CIT: variants seen among roughly 807,000 people sequenced by gnomAD.
CIT encodes the protein citron Rho-interacting kinase.
A neutral mutation model predicts 272.7 loss-of-function variants in CIT; 79 were observed. That is an observed-to-expected ratio of 0.29 (90% CI 0.24 to 0.35). The LOEUF (loss-of-function observed/expected upper bound fraction) is 0.35. Among genes scored for constraint, CIT ranks in the 10% least tolerant of loss-of-function variants. The pLI is 1.00. For missense variants in CIT, 1,909 were observed against 2,618.3 expected, an observed-to-expected ratio of 0.73 and a Z score of 5.91; for synonymous variants, 948 against 995.6, an observed-to-expected ratio of 0.95 and a Z score of 0.90.
chr12:119,736,777 A>G (rs1009432224), intron 24 of CIT, among the ~76,000 whole-genome samples: 2 of 152,230 alleles, frequency 1.3e-5, no homozygotes, highest in African/African-American at 2.4e-5. Flanking sequence ...CAATGAATAA[A>G]CAATGCCCAG....
At chr12:119,798,442 GAAT>G (rs893194991) in intron 10 of CIT, among the ~76,000 whole-genome samples, 6 of 152,138 alleles carry the variant, frequency 3.9e-5, no homozygotes, top group African/African-American at 1.2e-4. Context: ...TCCAAAATGA[GAAT>G]AATAATGGTA....
At chr12:119,818,044 A>G (rs1967364819) in intron 9 of CIT, among the ~76,000 whole-genome samples, 1 of 152,232 alleles carries the variant, frequency 6.6e-6, no homozygotes, top group Non-Finnish European at 1.5e-5. Context: ...ACAATAACTT[A>G]TGCAAAGGCA....
intron 5 of CIT, among the ~76,000 whole-genome samples, chr12:119,834,452 C>G (rs1968858644): frequency 6.6e-6 from 1 of 152,186 alleles, no homozygotes; most frequent in Admixed American, 6.5e-5. Context: ...GTCCCAGACA[C>G]CATGCACAGT....
chr12:119,743,654 C>T (rs1959166760), intron 23 of CIT, among the ~76,000 whole-genome samples: 1 of 152,170 alleles, frequency 6.6e-6, no homozygotes, highest in Non-Finnish European at 1.5e-5. Flanking sequence ...ATTTAAGGTA[C>T]TTTCCATGGT....
chr12:119,827,248 T>C (rs138710540), intron 7 of CIT, among the ~76,000 whole-genome samples: 198 of 152,212 alleles, frequency 1.3e-3, no homozygotes, highest in African/African-American at 4.2e-3. Context: ...GGAAAATATT[T>C]GGCCTAAGAC....
chr12:119,839,491 G>A (rs1223396992), intron 5 of CIT, among the ~76,000 whole-genome samples: 1 of 152,176 alleles, frequency 6.6e-6, no homozygotes, highest in Non-Finnish European at 1.5e-5. Flanking sequence ...GCATGAGGGA[G>A]GAGAGAAGGG....
chr12:119,710,519 C>T lies in CIT; in HGVS notation c.4935+21G>A. ...GTGGCTGTAACCAGACACCAGCTGG[C>T]CGTGCCCATGCAAGCATTACCTGGT... On this transcript the variant is annotated intron_variant, in intron 38 of 47. Transcript: ENST00000392521. This position sits in a 1 kb window ranked among gnomAD's most constrained non-coding sequence, Gnocchi z 5.6. The T allele has an allele frequency of 6.2e-7, 1 of 1,613,800 alleles. No homozygotes were observed.
In CIT at chr12:119,701,727, G is replaced by C; in HGVS notation, c.5439C>G (p.Ser1813=). The change falls in exon 43 of 48, where the codon TCC becomes TCG. Residue 1813 remains serine (S), a synonymous_variant. Transcript: ENST00000392521. The part of the protein sequence containing the change: ...LEEFLDKNDH[S]LAPAVFAASS... ...AGGCGGCAAACACAGCAGGTGCCAA[G>C]GAATGGTCATTCTTATCCAGGAATT... is the stretch of plus-strand genomic sequence containing the variant. 4 of 1,614,250 alleles carry C rather than the reference G, an allele frequency of 2.5e-6. No homozygotes were observed. The highest frequency in any genetic ancestry group is 3.4e-6 in the Non-Finnish European group (4 of 1,180,048).
At chr12:119,750,511 A>C (rs749394037) in intron 23 of CIT, among the ~76,000 whole-genome samples, 2 of 152,136 alleles carry the variant, frequency 1.3e-5, no homozygotes, top group African/African-American at 2.4e-5. Flanking sequence ...GCATCATTTA[A>C]TGAGTGTTCT....
Position 119,701,704 on chromosome 12 carries a change from G to A in CIT, c.5462C>T (p.Ala1821Val), listed in dbSNP as rs561006897. 2.5e-6 allele frequency: 4 copies of A among 1,614,218 alleles called. No homozygotes were observed. Among genetic ancestry groups the A allele is most frequent in the Admixed American group, 1.7e-5 (1 of 60,026 alleles). ...DHSLAPAVFA[A>V]SSNSFPVSIV... ...TGAGACAGGGAAGCTGTTGGAAGAG[G>A]CGGCAAACACAGCAGGTGCCAAGGA... The change falls in exon 43 of 48, where the codon GCC becomes GTC. Residue 1821 changes from alanine to valine, a missense_variant. Transcript: ENST00000392521.
chr12:119,852,758 A>ATATATGCATATATATGTAAATATATTC (rs1970311551), intron 4 of CIT, among the ~76,000 whole-genome samples: 1 of 151,852 alleles, frequency 6.6e-6, no homozygotes, highest in Non-Finnish European at 1.5e-5. Flanking sequence ...AATAAATTAT[A>ATATATGCATATATATGTAAATATATTC]TATATGCATA....
chr12:119,781,179 C>T (rs1964254332), intron 13 of CIT, among the ~76,000 whole-genome samples: 1 of 152,204 alleles, frequency 6.6e-6, no homozygotes, highest in Non-Finnish European at 1.5e-5. Flanking sequence ...TTTCTCAAAG[C>T]CAATGTGCAG....
At chr12:119,869,853 C>G (rs185095361) in intron 2 of CIT, among the ~76,000 whole-genome samples, 2 of 152,304 alleles carry the variant, frequency 1.3e-5, no homozygotes, top group African/African-American at 4.8e-5. Flanking sequence ...CTGGCACATC[C>G]GGCAACACTG....
intron 6 of CIT, among the ~76,000 whole-genome samples, chr12:119,833,182 T>G (rs1968763523): frequency 6.6e-6 from 1 of 152,124 alleles, no homozygotes; most frequent in Admixed American, 6.6e-5. Flanking sequence ...GACACACATT[T>G]CACATGAGGA....
intron 44 of CIT, among the ~76,000 whole-genome samples, chr12:119,698,449 G>A (rs1337527854): frequency 6.6e-6 from 1 of 152,112 alleles, no homozygotes; most frequent in Non-Finnish European, 1.5e-5. Flanking sequence ...AATTAGCCAG[G>A]CATGGTGGTG....
intron 19 of CIT, among the ~76,000 whole-genome samples, chr12:119,766,361 A>G (rs911944337): frequency 2.6e-5 from 4 of 152,236 alleles, no homozygotes; most frequent in Admixed American, 2.6e-4. Flanking sequence ...CATCATATTA[A>G]CTGAAATCAG....
chr12:119,855,011 C>T (rs1025903328), intron 4 of CIT, among the ~76,000 whole-genome samples: 1 of 152,158 alleles, frequency 6.6e-6, no homozygotes, highest in African/African-American at 2.4e-5. Context: ...ATGGTCCCAG[C>T]TACTTAAGAG....
At chr12:119,730,403 G>A (rs1958372222) in intron 27 of CIT, 92 bp downstream of exon 27, 1 of 1,278,824 alleles carries the variant, frequency 7.8e-7, no homozygotes, top group South Asian at 1.5e-5. Flanking sequence ...AAATATGTTT[G>A]CCATGGATTG....
intron 9 of CIT, among the ~76,000 whole-genome samples, chr12:119,814,486 C>G (rs888019639): frequency 6.6e-6 from 1 of 152,100 alleles, no homozygotes; most frequent in Non-Finnish European, 1.5e-5. Flanking sequence ...CCATCCCATC[C>G]CTCTTGCTCC....
Sources: allele counts gnomAD v4.1 joint callset (sites outside exome capture counted in the v4.1 genomes callset), GRCh38; gene constraint gnomAD v4.1.1; non-coding constraint Gnocchi (gnomAD v3.1); transcripts MANE v1.5; gene names NCBI Gene and HGNC (gene_info 2026-07-23, HGNC 2026-07-21).